The following EYA4 variants were observed in gnomAD, a reference collection of about 807,000 sequenced individuals.
EYA4 encodes EYA transcriptional coactivator and phosphatase 4.
In EYA4, 31 loss-of-function variants were observed where a neutral mutation model predicts 87.9. The ratio of observed to expected loss-of-function variants is 0.35; its 90% CI spans 0.27 to 0.48. The LOEUF (loss-of-function observed/expected upper bound fraction) is 0.48. Among genes scored for constraint, EYA4 ranks in the 20% least tolerant of loss-of-function variants. The probability of loss-of-function intolerance (pLI) is 0.99; values close to 1 mark genes in which losing one functional copy is unlikely to be tolerated. For missense variants in EYA4, 678 were observed against 761.4 expected, an observed-to-expected ratio of 0.89 and a Z score of 1.29; for synonymous variants, 263 against 270.6, an observed-to-expected ratio of 0.97 and a Z score of 0.28.
chr6:133,382,473 A>C (rs1786305915), intron 3 of EYA4, 32 bp downstream of exon 3: 2 of 1,477,434 alleles, frequency 1.4e-6, no homozygotes, highest in Non-Finnish European at 9.5e-7. Context: ...GACTCCCCTA[A>C]GGAGAATTGC....
At chr6:133,375,545 A>G (rs1785610468) in intron 2 of EYA4, among the ~76,000 whole-genome samples, 1 of 151,860 alleles carries the variant, frequency 6.6e-6, no homozygotes, top group Non-Finnish European at 1.5e-5. Flanking sequence ...ATAGGAAAGG[A>G]TATATTTTAA....
intron 3 of EYA4, among the ~76,000 whole-genome samples, chr6:133,418,770 A>G (rs1789967819): frequency 1.3e-5 from 2 of 152,318 alleles, no homozygotes; most frequent in Middle Eastern, 3.4e-3. Context: ...CCAAATAGAT[A>G]TGAGGGATCT....
At chr6:133,368,774 ACACT>A in intron 2 of EYA4, among the ~76,000 whole-genome samples, 1 of 152,304 alleles carries the variant, frequency 6.6e-6, no homozygotes, top group Non-Finnish European at 1.5e-5. Context: ...TGGAATGCAC[ACACT>A]CACCCAGTTT....
intron 2 of EYA4, among the ~76,000 whole-genome samples, chr6:133,334,629 C>T (rs75198812): frequency 1.4e-3 from 211 of 152,252 alleles, no homozygotes; most frequent in African/African-American, 4.6e-3. Context: ...AGTTTTCCTA[C>T]ATGAGTCTGC....
chr6:133,406,236 A>C (rs1170528390), intron 3 of EYA4, among the ~76,000 whole-genome samples: 1 of 152,220 alleles, frequency 6.6e-6, no homozygotes, highest in Non-Finnish European at 1.5e-5. Flanking sequence ...GCCCAAAAGA[A>C]GTTTACGAAA....
At chr6:133,414,429 T>C (rs1476323655) in intron 3 of EYA4, among the ~76,000 whole-genome samples, 1 of 152,216 alleles carries the variant, frequency 6.6e-6, no homozygotes, top group Non-Finnish European at 1.5e-5. Context: ...AAAAATGTAT[T>C]TTAATTTTCT....
intron 2 of EYA4, among the ~76,000 whole-genome samples, chr6:133,380,649 G>T (rs927971065): frequency 5.9e-5 from 9 of 152,106 alleles, no homozygotes; most frequent in Admixed American, 2.0e-4. Flanking sequence ...TAAATCATAG[G>T]CAAGAACCAG....
chr6:133,506,969 A>C (rs1277373384), intron 14 of EYA4, among the ~76,000 whole-genome samples: 1 of 152,206 alleles, frequency 6.6e-6, no homozygotes, highest in African/African-American at 2.4e-5. Context: ...AAGCATAACT[A>C]TGCTGAAATA....
At chr6:133,463,353 T>C (rs1794567295) in intron 9 of EYA4, among the ~76,000 whole-genome samples, 1 of 146,118 alleles carries the variant, frequency 6.8e-6, no homozygotes, top group African/African-American at 2.6e-5. Flanking sequence ...TTGTGTTTTA[T>C]CTTTTTTTTT....
intron 2 of EYA4, among the ~76,000 whole-genome samples, chr6:133,308,838 C>A (rs1780005666): frequency 6.6e-6 from 1 of 152,110 alleles, no homozygotes; most frequent in Admixed American, 6.6e-5. Context: ...CATGTTCCTT[C>A]ATTTTCAGCA....
chr6:133,528,989 A>G lies in EYA4; in HGVS notation c.*184A>G. On this transcript the variant is annotated 3_prime_UTR_variant, in exon 20 of 20. Coordinates refer to ENST00000355286, the MANE Select transcript of EYA4 (RefSeq NM_004100.5). ...GAGTTAAACTTTAGTGCTACAGAAA[A>G]GAAACTCTATGGTCTTATATTTACA... is the stretch of plus-strand genomic sequence containing the variant. 7.0e-7 allele frequency: 1 copy of G among 1,438,722 alleles called. No homozygotes were observed. Among genetic ancestry groups the G allele is most frequent in the East Asian group, 2.7e-5 (1 of 37,206 alleles). 89.1% of individuals were successfully genotyped at this position (1,438,722 alleles called of 1,614,324 possible). A position where few individuals can be genotyped will look rare whatever the true frequency, so the allele number is the denominator to read the frequency against.
chr6:133,317,122 A>G (rs1582936724), intron 2 of EYA4, among the ~76,000 whole-genome samples: 1 of 152,340 alleles, frequency 6.6e-6, no homozygotes, highest in East Asian at 1.9e-4. Flanking sequence ...CAGCTGCTCA[A>G]AACTGTACAG....
chr6:133,404,846 G>C (rs752463915), intron 3 of EYA4, among the ~76,000 whole-genome samples: 1 of 152,124 alleles, frequency 6.6e-6, no homozygotes, highest in African/African-American at 2.4e-5. Context: ...AGTCTCCTTG[G>C]CTCTTCGCAT....
intron 1 of EYA4, among the ~76,000 whole-genome samples, chr6:133,256,228 T>C (rs917359533): frequency 2.0e-5 from 3 of 151,280 alleles, no homozygotes; most frequent in Non-Finnish European, 4.4e-5. Context: ...ATAATTAGTT[T>C]CTCACTTAAG....
In EYA4 at chr6:133,301,531, G is replaced by A. The variant is rs138888148; in HGVS notation, c.33+26718G>A. Among the ~76,000 whole-genome samples, 36 of 152,250 alleles carry A rather than the reference G, an allele frequency of 2.4e-4. No individual in the cohort carries two copies. The East Asian group carries it at 6.9e-3, about 29-fold the overall frequency. On this transcript the variant is annotated intron_variant, in intron 2 of 19. Coordinates refer to ENST00000355286, the MANE Select transcript of EYA4 (RefSeq NM_004100.5). The stretch of plus-strand genomic sequence containing the variant: ...GCTGCACATATGATATTAATAGCCA[G>A]CATTTATCAAGGAATTACTGCACAT...
chr6:133,511,869 T>A (rs934513163), intron 14 of EYA4: 1 of 151,958 alleles, frequency 6.6e-6, no homozygotes, highest in Non-Finnish European at 1.5e-5. Flanking sequence ...TAGTCCCAGC[T>A]ACTCGGGAGG....
chr6:133,377,669 G>A (rs1174012450), intron 2 of EYA4, among the ~76,000 whole-genome samples: 1 of 146,066 alleles, frequency 6.8e-6, no homozygotes, highest in Non-Finnish European at 1.5e-5. Flanking sequence ...TTGCTTACAT[G>A]GAGTTTAAAT....
chr6:133,241,332 C>G (rs1372714133), upstream of EYA4: 3 of 152,286 alleles, frequency 2.0e-5, no homozygotes, highest in East Asian at 5.8e-4. Flanking sequence ...GCGCGGCGCA[C>G]GCTCCGGCCG....
At chr6:133,289,249 A>G (rs144113244) in intron 2 of EYA4, among the ~76,000 whole-genome samples, 131 of 152,312 alleles carry the variant, frequency 8.6e-4, no homozygotes, top group South Asian at 3.1e-3. Context: ...ATATCCTGGA[A>G]TTTTCCAAAG....
Sources: gnomAD v4.1 joint callset for allele counts (sites outside exome capture counted in the v4.1 genomes callset) on GRCh38, gnomAD v4.1.1 for gene constraint, MANE v1.5 for transcripts, NCBI Gene and HGNC (gene_info 2026-07-23, HGNC 2026-07-21) for gene names.